The following PLS3 variants were observed in gnomAD, a reference collection of about 807,000 sequenced individuals.
PLS3 encodes plastin-3.
Under a neutral mutation model 46.5 loss-of-function variants are expected in PLS3, and 11 were observed. The ratio of observed to expected loss-of-function variants is 0.24; its 90% CI spans 0.15 to 0.39. PLS3 has a LOEUF of 0.39. Among genes scored for constraint, PLS3 ranks in the 10% least tolerant of loss-of-function variants. The pLI, the probability that PLS3 is intolerant of heterozygous loss-of-function variation, is 1.00. For missense variants in PLS3, 308 were observed against 461.8 expected (o/e 0.67, Z 3.05); for synonymous variants, 167 against 162.2 (o/e 1.03, Z -0.22).
intron 1 of PLS3, chrX:115,593,671 G>C (rs1603226603): frequency 9.0e-6 from 1 of 111,544 alleles, no homozygotes; most frequent in Non-Finnish European, 1.9e-5. Context: ...CTCTAACTTT[G>C]AGATTACTAA....
intron 3 of PLS3, among the ~76,000 whole-genome samples, chrX:115,627,310 G>A (rs1412669834): frequency 2.7e-5 from 3 of 112,277 alleles, no homozygotes; most frequent in African/African-American, 9.7e-5. Context: ...AATGATTCTT[G>A]AAGCAGAAGC....
chrX:115,565,879 A>AAAC, intron 1 of PLS3, among the ~76,000 whole-genome samples: 1 of 112,427 alleles, frequency 8.9e-6, no homozygotes. Context: ...TTAAAAGTTT[A>AAAC]GAAACGTATT....
Position 115,594,835 on chromosome X carries a change from T to A in PLS3, c.-8-15408T>A, listed in dbSNP as rs1353756907. Among the ~76,000 whole-genome samples, 3 of 111,070 alleles carry A rather than the reference T, an allele frequency of 2.7e-5. No homozygotes were observed. In the Admixed American group the frequency reaches 2.9e-4, roughly 11 times the overall value. On this transcript the variant is annotated intron_variant, in intron 1 of 15. Transcript: ENST00000355899. Reference sequence around the variant, plus strand: ...GCAGCAGATTTATTTTCCCATAAATTATTCAGATTTTGGGGGTAGATGTAA... The same window carrying A: ...GCAGCAGATTTATTTTCCCATAAATAATTCAGATTTTGGGGGTAGATGTAA...
At chrX:115,591,061 C>G (rs781802737) in intron 1 of PLS3, among the ~76,000 whole-genome samples, 49 of 110,628 alleles carry the variant, frequency 4.4e-4, no homozygotes, top group African/African-American at 1.6e-3. Flanking sequence ...ATGGCATGAA[C>G]CCGGGAGGTG....
At chrX:115,607,484 G>C (rs1159407732) in intron 1 of PLS3, among the ~76,000 whole-genome samples, 1 of 93,939 alleles carries the variant, frequency 1.1e-5, no homozygotes, top group African/African-American at 3.8e-5. Context: ...TTTTTAAAGA[G>C]TCTAGTGTTA....
chrX:115,617,611 C>A (rs1401798285), intron 2 of PLS3, among the ~76,000 whole-genome samples: 1 of 111,741 alleles, frequency 8.9e-6, no homozygotes. Flanking sequence ...GTGGGAGATA[C>A]AAAGATTTAA....
rs782603632 is a variant in PLS3, at chrX:115,573,818, C to T, written c.-9+12558C>T. On this transcript the variant is annotated intron_variant, in intron 1 of 15. Transcript: ENST00000355899. Reference sequence around the variant, plus strand: ...TCCCAGGTTCAAGCAATTCTCCCGCCTCAGCCTCTTAAGTGCCTGGGATTA... The same window carrying T: ...TCCCAGGTTCAAGCAATTCTCCCGCTTCAGCCTCTTAAGTGCCTGGGATTA... Among the ~76,000 whole-genome samples the T allele has an allele frequency of 1.1e-4, 12 of 111,098 alleles. No homozygotes were observed. The East Asian group carries it at 2.3e-3, about 21-fold the overall frequency.
rs781835856 is a variant in PLS3 at position 115,649,599 on chromosome X, G to A, written c.*38G>A. The A allele has an allele frequency of 4.3e-6, 5 of 1,153,451 alleles. No homozygotes were observed. In the South Asian group the frequency reaches 1.0e-4, roughly 23 times the overall value. On this transcript the variant is annotated 3_prime_UTR_variant, in exon 16 of 16. Coordinates refer to ENST00000355899, the MANE Select transcript of PLS3 (RefSeq NM_005032.7). ...GAATAAAACAGCCATGCTCCCAGGTGCATGATTCGCAGGTCAGCTATTTCC... is the reference window on the plus strand; with the variant it reads ...GAATAAAACAGCCATGCTCCCAGGTACATGATTCGCAGGTCAGCTATTTCC...
chrX:115,610,880 T>C, intron 2 of PLS3: 2 of 1,081,199 alleles, frequency 1.8e-6, no homozygotes, highest in South Asian at 2.1e-5. Context: ...ATTTATCCTT[T>C]ATCATCATAT....
chrX:115,595,558 A>G (rs1261380876), intron 1 of PLS3, among the ~76,000 whole-genome samples: 2 of 110,697 alleles, frequency 1.8e-5, no homozygotes, highest in African/African-American at 6.6e-5. Flanking sequence ...GGAAATCTGG[A>G]TAAATGTAGA....
intron 1 of PLS3, among the ~76,000 whole-genome samples, chrX:115,600,612 C>T (rs1352315433): frequency 2.7e-5 from 3 of 112,557 alleles, no homozygotes; most frequent in Non-Finnish European, 3.7e-5. Flanking sequence ...GAAGATTGTT[C>T]TCTTTGACCA....
rs2074579308 is a variant in PLS3 at position 115,614,578 on chromosome X, G to A, written c.73+4255G>A. 16 of 741,105 alleles carry A rather than the reference G, an allele frequency of 2.2e-5. No individual in the cohort carries two copies. In the South Asian group the frequency reaches 1.0e-3, roughly 48 times the overall value. The allele number at this position is 741,105 out of a possible 1,213,427, so 61.1% of individuals were successfully genotyped here. On this transcript the variant is annotated intron_variant, in intron 2 of 15. Coordinates refer to ENST00000355899, the MANE Select transcript of PLS3 (RefSeq NM_005032.7). ...AAACCCCATGTTTAGCTAAGCATCTGGAGATGTTTAGCAGCTGCCTTTTCT... is the reference window on the plus strand; with the variant it reads ...AAACCCCATGTTTAGCTAAGCATCTAGAGATGTTTAGCAGCTGCCTTTTCT...
chrX:115,611,185 G>A (rs1408772068), intron 2 of PLS3, among the ~76,000 whole-genome samples: 1 of 112,474 alleles, frequency 8.9e-6, no homozygotes, highest in Admixed American at 9.4e-5. Context: ...ATACATTTCT[G>A]TTCCCATATA....
At chrX:115,605,003 G>A (rs2074477396) in intron 1 of PLS3, among the ~76,000 whole-genome samples, 1 of 111,955 alleles carries the variant, frequency 8.9e-6, no homozygotes, top group Non-Finnish European at 1.9e-5. Context: ...ATGGCAAAAT[G>A]TACAATTGTA....
chrX:115,610,381 A>C (rs930792378), intron 2 of PLS3, 58 bp downstream of exon 2: 3 of 593,552 alleles, frequency 5.1e-6, no homozygotes, highest in Non-Finnish European at 5.4e-6. Flanking sequence ...TCTCAAAGTT[A>C]TTTCTCTATA....
At chrX:115,637,971 G>A (rs943323443) in intron 8 of PLS3, among the ~76,000 whole-genome samples, 1 of 111,286 alleles carries the variant, frequency 9.0e-6, no homozygotes, top group South Asian at 3.8e-4. Context: ...TTGTGACAGG[G>A]TCTCACTTCG....
At chrX:115,619,286 A>G (rs2074626169) in intron 2 of PLS3, among the ~76,000 whole-genome samples, 1 of 112,351 alleles carries the variant, frequency 8.9e-6, no homozygotes, top group East Asian at 2.8e-4. Context: ...ATTGTTTCAC[A>G]TTATTCCCAC....
chrX:115,586,320 T>A (rs1355288313), intron 1 of PLS3, among the ~76,000 whole-genome samples: 1 of 107,518 alleles, frequency 9.3e-6, no homozygotes, highest in East Asian at 3.0e-4. Context: ...GAGTAGGATG[T>A]TAACTCATTT....
At chrX:115,598,265 C>A (rs1420342781) in intron 1 of PLS3, among the ~76,000 whole-genome samples, 2 of 106,256 alleles carry the variant, frequency 1.9e-5, no homozygotes, top group African/African-American at 6.9e-5. Context: ...TGCACTCCAG[C>A]CTGGGCGACA....
Sources: allele counts gnomAD v4.1 joint callset (sites outside exome capture counted in the v4.1 genomes callset), GRCh38; gene constraint gnomAD v4.1.1; transcripts MANE v1.5; gene names NCBI Gene and HGNC (gene_info 2026-07-23, HGNC 2026-07-21).